The following RPRD1A variants were observed in gnomAD, a reference collection of about 807,000 sequenced individuals.
The protein encoded by RPRD1A is regulation of nuclear pre-mRNA domain-containing protein 1A.
Under a neutral mutation model 37.8 loss-of-function variants are expected in RPRD1A, and 9 were observed. The ratio of observed to expected loss-of-function variants is 0.24; its 90% CI spans 0.14 to 0.42. RPRD1A has a LOEUF of 0.42. RPRD1A is among the 10% of genes least tolerant of loss of function. The pLI is 1.00. For missense variants in RPRD1A, 255 were observed against 371.0 expected (o/e 0.69, Z 2.57); for synonymous variants, 138 against 139.7 (o/e 0.99, Z 0.08).
At chr18:36,015,181 C>CATATAT (rs1910453290) in intron 6 of RPRD1A, among the ~76,000 whole-genome samples, 14 of 143,538 alleles carry the variant, frequency 9.8e-5, no homozygotes, top group African/African-American at 3.8e-4. Flanking sequence ...TATACACACA[C>CATATAT]ACACACACAC....
chr18:36,043,516 A>G (rs571935924), intron 1 of RPRD1A, among the ~76,000 whole-genome samples: 1 of 152,370 alleles, frequency 6.6e-6, no homozygotes, highest in South Asian at 2.1e-4. Flanking sequence ...CTTCAATTTC[A>G]GTATATGCAA....
chr18:36,050,816 A>G (rs1913329712), intron 1 of RPRD1A, among the ~76,000 whole-genome samples: 1 of 150,886 alleles, frequency 6.6e-6, no homozygotes, highest in South Asian at 2.1e-4. Context: ...AAGTGTTGGG[A>G]TTACAGGTGT....
chr18:36,029,747 A>C (rs1911633794), intron 4 of RPRD1A, among the ~76,000 whole-genome samples: 1 of 152,118 alleles, frequency 6.6e-6, no homozygotes, highest in African/African-American at 2.4e-5. Context: ...TTTTCCACAG[A>C]ATTACATAGT....
chr18:36,028,055 A>G (rs1483409243), intron 4 of RPRD1A: 1 of 152,134 alleles, frequency 6.6e-6, no homozygotes, highest in Non-Finnish European at 1.5e-5. Context: ...TAATGTCTAT[A>G]AAGTTATTCC....
Position 35,991,046 on chromosome 18 carries a change from T to C in RPRD1A, c.*2105A>G, listed in dbSNP as rs1426822044. ...TAAATATTTAGAGCAGATACTGGCA[T>C]TAAAATCAGTATCTAAGTCAGAAGT... On this transcript the variant is annotated 3_prime_UTR_variant, in exon 7 of 7. Transcript: ENST00000399022. 1 of 152,212 alleles carries C rather than the reference T, an allele frequency of 6.6e-6. No homozygotes were observed. The highest frequency in any genetic ancestry group is 1.5e-5 in the Non-Finnish European group (1 of 68,042). 9.4% of individuals were successfully genotyped at this position (152,212 alleles called of 1,614,324 possible).
At chr18:36,049,529 C>G (rs1490716931) in intron 1 of RPRD1A, among the ~76,000 whole-genome samples, 1 of 152,182 alleles carries the variant, frequency 6.6e-6, no homozygotes, top group Non-Finnish European at 1.5e-5. Context: ...ATCAATGTGA[C>G]TACTCTAGGT....
chr18:36,034,497 A>G (rs1912045498), intron 1 of RPRD1A, among the ~76,000 whole-genome samples: 2 of 152,236 alleles, frequency 1.3e-5, no homozygotes, highest in South Asian at 4.1e-4. Context: ...TGTGGGCCAC[A>G]GTACATTTTT....
At chr18:36,013,908 G>A (rs1482922059) in intron 6 of RPRD1A, among the ~76,000 whole-genome samples, 1 of 151,778 alleles carries the variant, frequency 6.6e-6, no homozygotes, top group South Asian at 2.1e-4. Context: ...AACAAAACAG[G>A]TCCATAAAAA....
chr18:36,020,390 A>G (rs1910915691), intron 6 of RPRD1A, among the ~76,000 whole-genome samples: 1 of 152,206 alleles, frequency 6.6e-6, no homozygotes, highest in African/African-American at 2.4e-5. Context: ...TCTAACCAGC[A>G]AATCTGGTGT....
At chr18:36,008,978 A>T (rs1407882750) in intron 6 of RPRD1A, among the ~76,000 whole-genome samples, 1 of 152,160 alleles carries the variant, frequency 6.6e-6, no homozygotes, top group East Asian at 1.9e-4. Flanking sequence ...TTTCTGATGG[A>T]CACTAACTGG....
intron 4 of RPRD1A, chr18:36,028,222 TAAGA>T (rs1342726924): frequency 6.6e-6 from 1 of 152,052 alleles, no homozygotes; most frequent in Admixed American, 6.6e-5. Context: ...GTGTATATAT[TAAGA>T]TTTTTAAACT....
chr18:36,013,974 T>C (rs1331394059), intron 6 of RPRD1A, among the ~76,000 whole-genome samples: 1 of 152,158 alleles, frequency 6.6e-6, no homozygotes, highest in Non-Finnish European at 1.5e-5. Flanking sequence ...TTTCAAGTCA[T>C]GCATTTTCAG....
At chr18:36,013,694 T>C (rs1458984790) in intron 6 of RPRD1A, among the ~76,000 whole-genome samples, 9 of 152,200 alleles carry the variant, frequency 5.9e-5, no homozygotes, top group African/African-American at 2.2e-4. Flanking sequence ...ATTTTTATCC[T>C]TTATTTTAAA....
chr18:36,040,401 C>T (rs775806280), intron 1 of RPRD1A, among the ~76,000 whole-genome samples: 1 of 152,174 alleles, frequency 6.6e-6, no homozygotes, highest in Non-Finnish European at 1.5e-5. Flanking sequence ...CAGAAAGAAG[C>T]TCCCCTCATG....
At chr18:36,062,318 C>T (rs1157099711) in intron 1 of RPRD1A, among the ~76,000 whole-genome samples, 6 of 103,688 alleles carry the variant, frequency 5.8e-5, no homozygotes, top group Non-Finnish European at 1.0e-4. Flanking sequence ...AGCGAGACTC[C>T]GTCTCAAAAA....
In RPRD1A at chr18:36,007,114, C is replaced by G. The variant is rs183146179; in HGVS notation, c.790-13814G>C. On this transcript the variant is annotated intron_variant, in intron 6 of 6. Coordinates refer to ENST00000399022, the MANE Select transcript of RPRD1A (RefSeq NM_018170.5). ...CAAAGGAAACTCTTAACACTTTCAT[C>G]ATTTACAAGTGTACTGTGAAACTTC... 2.8e-4 allele frequency among the ~76,000 whole-genome samples: 43 copies of G among 152,294 alleles called. 1 individual carries two copies. In the East Asian group the frequency reaches 5.4e-3, roughly 19 times the overall value.
At chr18:36,064,290 G>C (rs902177783) in intron 1 of RPRD1A, 5 of 152,618 alleles carry the variant, frequency 3.3e-5, no homozygotes, top group African/African-American at 1.2e-4. Flanking sequence ...GCGGTTCCGG[G>C]TGGGTGCCTG....
intron 1 of RPRD1A, among the ~76,000 whole-genome samples, chr18:36,062,685 C>T (rs1436558972): frequency 6.6e-6 from 1 of 152,084 alleles, no homozygotes; most frequent in Admixed American, 6.6e-5. Flanking sequence ...GGATGGAAAA[C>T]ACACAAAAGA....
At chr18:36,001,643 GCTCAGATC>G (rs1598596719) in intron 6 of RPRD1A, among the ~76,000 whole-genome samples, 1 of 152,242 alleles carries the variant, frequency 6.6e-6, no homozygotes, top group East Asian at 1.9e-4. Flanking sequence ...CTACAGGCCT[GCTCAGATC>G]CTCCATATCT....
Sources: gnomAD v4.1 joint callset for allele counts (sites outside exome capture counted in the v4.1 genomes callset) on GRCh38, gnomAD v4.1.1 for gene constraint, MANE v1.5 for transcripts, NCBI Gene and HGNC (gene_info 2026-07-23, HGNC 2026-07-21) for gene names.